GNG2: variants seen among roughly 807,000 people sequenced by gnomAD.
GNG2 encodes G protein subunit gamma 2.
GNG2 carries 5 observed loss-of-function variants against 5.5 expected under a neutral mutation model. The observed-to-expected ratio is 0.91, with a 90% confidence interval of 0.48 to 1.92. The LOEUF (loss-of-function observed/expected upper bound fraction) is 1.92. Ranked by LOEUF, GNG2 falls within the 30% of genes most tolerant of loss-of-function variation. The pLI is 0.01. For missense variants in GNG2, 55 were observed against 88.4 expected, an observed-to-expected ratio of 0.62 and a Z score of 1.52; for synonymous variants, 28 against 32.0, an observed-to-expected ratio of 0.88 and a Z score of 0.42.
At chr14:51,926,775 TC>T (rs1446271948) in intron 2 of GNG2, among the ~76,000 whole-genome samples, 1 of 152,126 alleles carries the variant, frequency 6.6e-6, no homozygotes, top group African/African-American at 2.4e-5. Flanking sequence ...CCCTTTTTTT[TC>T]TTTCCACCCA....
upstream of GNG2, among the ~76,000 whole-genome samples, chr14:51,857,972 A>G (rs1594842362): frequency 6.6e-6 from 1 of 152,086 alleles, no homozygotes; most frequent in Non-Finnish European, 1.5e-5. Context: ...TCATTACCCA[A>G]CCTCCGCTAC....
At chr14:51,942,757 A>G (rs914849016) in intron 2 of GNG2, among the ~76,000 whole-genome samples, 4 of 151,634 alleles carry the variant, frequency 2.6e-5, no homozygotes, top group African/African-American at 9.7e-5. Flanking sequence ...CATTTTGGCT[A>G]TAGAATTCTT....
chr14:51,881,301 A>G (rs758576789), intron 2 of GNG2, among the ~76,000 whole-genome samples: 2 of 152,306 alleles, frequency 1.3e-5, no homozygotes, highest in South Asian at 2.1e-4. Flanking sequence ...AGAGGTAAAT[A>G]TTAGGAAGAC....
At chr14:51,841,670 G>GT (rs1429532969) in intron 2 of GNG2, 21 of 632,208 alleles carry the variant, frequency 3.3e-5, no homozygotes, top group Non-Finnish European at 5.7e-5. Context: ...AAAGGGAAGG[G>GT]TAGGATGGAG....
At chr14:51,858,311 C>G (rs1882256910), upstream of GNG2, among the ~76,000 whole-genome samples, 2 of 152,290 alleles carry the variant, frequency 1.3e-5, no homozygotes, top group South Asian at 4.1e-4. Flanking sequence ...AAAGAGAGGT[C>G]TTAAAATCTA....
At chr14:51,883,035 GA>G (rs1030015785) in intron 2 of GNG2, among the ~76,000 whole-genome samples, 3 of 145,542 alleles carry the variant, frequency 2.1e-5, no homozygotes, top group Non-Finnish European at 3.0e-5. Context: ...AAAAAAAAAA[GA>G]AAAAAAAGAA....
intron 2 of GNG2, among the ~76,000 whole-genome samples, chr14:51,946,068 G>A (rs769537223): frequency 3.3e-5 from 5 of 152,184 alleles, no homozygotes; most frequent in Non-Finnish European, 5.9e-5. Context: ...CATATACAAA[G>A]CCAATACTTG....
At chr14:51,832,434 C>G (rs543987250) in intron 2 of GNG2, among the ~76,000 whole-genome samples, 1 of 152,082 alleles carries the variant, frequency 6.6e-6, no homozygotes, top group Non-Finnish European at 1.5e-5. Context: ...GGGCAATAAA[C>G]TGCTATCTTT....
At chr14:51,933,590 G>C (rs1248700085) in intron 2 of GNG2, among the ~76,000 whole-genome samples, 3 of 152,160 alleles carry the variant, frequency 2.0e-5, no homozygotes, top group African/African-American at 7.2e-5. Context: ...CAAAATTAAT[G>C]ATGCCAGAAA....
In GNG2 at chr14:51,965,750, C is replaced by G. The variant is rs17252747; in HGVS notation, c.88-809C>G. Among the ~76,000 whole-genome samples the G allele has an allele frequency of 8.2e-3, 1,253 of 152,268 alleles. 11 individuals carry two copies. The highest frequency in any genetic ancestry group is 0.011 in the Non-Finnish European group (766 of 68,018). ...TTGACATGGTTTTAGGCATCCCTAG[C>G]ACAATTCCTGAAGCAGAGAGTCACG... is the stretch of plus-strand genomic sequence containing the variant. On this transcript the variant is annotated intron_variant, in intron 3 of 3. Coordinates refer to ENST00000556766, the MANE Select transcript of GNG2 (RefSeq NM_053064.5).
At chr14:51,963,766 A>G (rs1180169939) in intron 3 of GNG2, among the ~76,000 whole-genome samples, 1 of 152,174 alleles carries the variant, frequency 6.6e-6, no homozygotes, top group Non-Finnish European at 1.5e-5. Flanking sequence ...CTGAGCCTCA[A>G]TTTTTCATCT....
At chr14:51,959,671 TG>T (rs11326387) in intron 3 of GNG2, among the ~76,000 whole-genome samples, 76,394 of 151,726 alleles carry the variant, frequency 0.5, 19,747 homozygotes, top group Non-Finnish European at 0.58. Flanking sequence ...TTCGTTAGAA[TG>T]TAAGTCAATG....
intron 2 of GNG2, among the ~76,000 whole-genome samples, chr14:51,840,786 C>T (rs1881462098): frequency 6.6e-6 from 1 of 152,180 alleles, no homozygotes; most frequent in Non-Finnish European, 1.5e-5. Flanking sequence ...ATCTGCTATT[C>T]TTATATGCCA....
intron 2 of GNG2, among the ~76,000 whole-genome samples, chr14:51,934,324 C>T (rs980544007): frequency 6.6e-6 from 1 of 152,120 alleles, no homozygotes; most frequent in East Asian, 1.9e-4. Context: ...GCTTAAAATC[C>T]CCTTTCCAAC....
At position 51,831,355 on chromosome 14, in the gene GNG2, A is replaced by G. The variant is rs564761845; in HGVS notation, c.64+3548A>G. On this transcript the variant is annotated intron_variant, in intron 2 of 3. Transcript: ENST00000553432. ...TAATCTGCAGGAGGATGGGACAGGA[A>G]TTATTGCCTGTATAGATCACTGCAT... 4.6e-5 allele frequency among the ~76,000 whole-genome samples: 7 copies of G among 152,346 alleles called. No homozygotes were observed. The South Asian group carries it at 6.2e-4, about 14-fold the overall frequency.
intron 1 of GNG2, among the ~76,000 whole-genome samples, chr14:51,875,073 A>G (rs894873207): frequency 4.6e-5 from 7 of 152,254 alleles, no homozygotes; most frequent in African/African-American, 1.4e-4. Flanking sequence ...ACTGCATGTA[A>G]CAGTGGCCTG....
In GNG2 at chr14:51,911,942, G is replaced by A. The variant is rs962906383; in HGVS notation, c.-30+34285G>A. ...GGGCTTTATATAAAGTAATTGCTTAGTAAATGAAAAAAAGTATAGCTAATA... is the reference window on the plus strand; with the variant it reads ...GGGCTTTATATAAAGTAATTGCTTAATAAATGAAAAAAAGTATAGCTAATA... On this transcript the variant is annotated intron_variant, in intron 2 of 3. Coordinates refer to ENST00000556766, the MANE Select transcript of GNG2 (RefSeq NM_053064.5). Among the ~76,000 whole-genome samples, 6 of 147,530 alleles carry A rather than the reference G, an allele frequency of 4.1e-5. 1 individual carries two copies. Among genetic ancestry groups the A allele is most frequent in the African/African-American group, 1.5e-4 (6 of 39,242 alleles).
At chr14:51,928,545 C>T (rs745753119) in intron 2 of GNG2, among the ~76,000 whole-genome samples, 1 of 152,162 alleles carries the variant, frequency 6.6e-6, no homozygotes, top group Admixed American at 6.5e-5. Flanking sequence ...TTGTGTGTTC[C>T]ACCCTACCAA....
chr14:51,908,589 AGAGAG>A lies in GNG2; in HGVS notation c.-30+30933_-30+30937del, dbSNP rs1399704492. ...ATATATATAGAGAGAGAGAGAGAGA[AGAGAG>A]TGTCTCGCTCTGTCACCCAGGCTGG... On this transcript the variant is annotated intron_variant, in intron 2 of 3. Transcript: ENST00000556766. Among the ~76,000 whole-genome samples, 473 of 151,894 alleles carry A rather than the reference AGAGAG, an allele frequency of 3.1e-3. 4 individuals are homozygous for A. Among genetic ancestry groups the A allele is most frequent in the South Asian group, 0.019 (90 of 4,774 alleles).
Sources: gnomAD v4.1 joint callset for allele counts (sites outside exome capture counted in the v4.1 genomes callset) on GRCh38, gnomAD v4.1.1 for gene constraint, MANE v1.5 for transcripts, NCBI Gene and HGNC (gene_info 2026-07-23, HGNC 2026-07-21) for gene names.